PDLIM1: variants seen among roughly 807,000 people sequenced by gnomAD.
The protein encoded by PDLIM1 is PDZ and LIM domain protein 1.
Under a neutral mutation model 35.2 loss-of-function variants are expected in PDLIM1, and 25 were observed. That is an observed-to-expected ratio of 0.71 (90% CI 0.52 to 0.99). The LOEUF (loss-of-function observed/expected upper bound fraction) is 0.99, where lower values mean the gene tolerates loss of function less well. Ranked by LOEUF, PDLIM1 falls within the 50% of genes least tolerant of loss-of-function variation. The pLI, the probability that PDLIM1 is intolerant of heterozygous loss-of-function variation, is 0.00. For missense variants in PDLIM1, 363 were observed against 415.3 expected, an observed-to-expected ratio of 0.87 and a Z score of 1.09; for synonymous variants, 152 against 154.0, an observed-to-expected ratio of 0.99 and a Z score of 0.10.
chr10:95,247,018 G>A (rs1299139712), intron 5 of PDLIM1, among the ~76,000 whole-genome samples, 197 bp downstream of exon 5: 2 of 152,054 alleles, frequency 1.3e-5, no homozygotes, highest in Non-Finnish European at 2.9e-5. Flanking sequence ...TACAGACCCA[G>A]ATGGGAAAAT....
chr10:95,255,537 TAC>T (rs1312295137), intron 4 of PDLIM1, among the ~76,000 whole-genome samples: 1 of 151,990 alleles, frequency 6.6e-6, no homozygotes, highest in African/African-American at 2.4e-5. Context: ...GGACAAAAAC[TAC>T]AGTCATCTGA....
intron 5 of PDLIM1, among the ~76,000 whole-genome samples, chr10:95,239,490 A>G (rs1297847521): frequency 6.6e-6 from 1 of 152,204 alleles, no homozygotes; most frequent in East Asian, 1.9e-4. Flanking sequence ...AAGGAACTTA[A>G]AACAAATTTA....
chr10:95,264,445 G>A (rs540130515), intron 3 of PDLIM1, among the ~76,000 whole-genome samples: 31 of 152,214 alleles, frequency 2.0e-4, no homozygotes, highest in Non-Finnish European at 4.4e-5. Flanking sequence ...ACTAGGTGAA[G>A]AGAAATATGC....
intron 4 of PDLIM1, among the ~76,000 whole-genome samples, chr10:95,253,428 G>A (rs994649869): frequency 6.6e-6 from 1 of 152,182 alleles, no homozygotes; most frequent in Non-Finnish European, 1.5e-5. Flanking sequence ...GCCAGGCATG[G>A]TGGCTCACCT....
chr10:95,289,424 G>A (rs1220642631), intron 1 of PDLIM1, among the ~76,000 whole-genome samples: 1 of 152,206 alleles, frequency 6.6e-6, no homozygotes, highest in East Asian at 1.9e-4. Context: ...ATAATCAGAG[G>A]TCTCTGTGGG....
chr10:95,288,294 C>T (rs1352007200), intron 1 of PDLIM1, among the ~76,000 whole-genome samples: 2 of 152,110 alleles, frequency 1.3e-5, no homozygotes, highest in Non-Finnish European at 2.9e-5. Context: ...CAAGAGAAAG[C>T]AAACATGGTT....
chr10:95,248,472 T>C (rs2133413844), intron 4 of PDLIM1, among the ~76,000 whole-genome samples: 1 of 152,200 alleles, frequency 6.6e-6, no homozygotes, highest in South Asian at 2.1e-4. Context: ...GGTCTCAAAG[T>C]CCCAGCCTCA....
chr10:95,268,896 A>T, intron 2 of PDLIM1, 34 bp from the exon 3 acceptor site: 1 of 1,445,078 alleles, frequency 6.9e-7, no homozygotes. Context: ...TGTTTCACTC[A>T]TGTAAAATAA....
chr10:95,251,620 CTGTA>C (rs1236188070), intron 4 of PDLIM1, among the ~76,000 whole-genome samples: 3 of 152,162 alleles, frequency 2.0e-5, no homozygotes, highest in African/African-American at 7.2e-5. Flanking sequence ...ATAAAACTAC[CTGTA>C]TGTGAGATAA....
chr10:95,246,147 G>A (rs950576306), intron 5 of PDLIM1, among the ~76,000 whole-genome samples: 1 of 152,106 alleles, frequency 6.6e-6, no homozygotes, highest in Non-Finnish European at 1.5e-5. Context: ...TGGAGGACTG[G>A]GCATCACAGG....
chr10:95,271,916 A>G lies in PDLIM1; in HGVS notation c.97-132T>C, dbSNP rs912866467. On this transcript the variant is annotated intron_variant, in intron 1 of 6. Coordinates refer to ENST00000329399, the MANE Select transcript of PDLIM1 (RefSeq NM_020992.4). ...GAGGGCTGAAATCATAGCTTAAATA[A>G]TAACAATCATTTATATTATCATTGA... 4.0e-6 allele frequency: 3 copies of G among 744,686 alleles called. No homozygotes were observed. The African/African-American group carries it at 5.5e-5, about 14-fold the overall frequency. 46.1% of individuals were successfully genotyped at this position (744,686 alleles called of 1,614,324 possible).
chr10:95,278,346 T>C (rs1211602476), intron 1 of PDLIM1, among the ~76,000 whole-genome samples: 1 of 152,180 alleles, frequency 6.6e-6, no homozygotes, highest in African/African-American at 2.4e-5. Flanking sequence ...CTGTCAGGGC[T>C]CCAGAAATGT....
intron 5 of PDLIM1, among the ~76,000 whole-genome samples, chr10:95,240,603 A>G (rs2026681): frequency 0.35 from 52,491 of 152,110 alleles, 9,582 homozygotes; most frequent in Middle Eastern, 0.52. Flanking sequence ...GCACGTCATT[A>G]CCTATGTAAC....
chr10:95,288,689 T>A (rs1180761742), intron 1 of PDLIM1, among the ~76,000 whole-genome samples: 3 of 152,164 alleles, frequency 2.0e-5, no homozygotes, highest in African/African-American at 7.2e-5. Flanking sequence ...CCCATTCCCA[T>A]GAGGTGAACA....
intron 1 of PDLIM1, among the ~76,000 whole-genome samples, chr10:95,280,097 C>T (rs183498849): frequency 1.7e-4 from 26 of 152,256 alleles, no homozygotes; most frequent in Admixed American, 1.4e-3. Flanking sequence ...AATTTTAGGC[C>T]AGGCATGGTG....
intron 5 of PDLIM1, among the ~76,000 whole-genome samples, chr10:95,246,003 C>T (rs997712624): frequency 1.3e-5 from 2 of 152,208 alleles, no homozygotes; most frequent in African/African-American, 4.8e-5. Context: ...GCAGGTCTCA[C>T]ACTCACCATC....
intron 4 of PDLIM1, among the ~76,000 whole-genome samples, chr10:95,261,377 C>A (rs973585131): frequency 6.6e-6 from 1 of 152,182 alleles, no homozygotes; most frequent in Non-Finnish European, 1.5e-5. Flanking sequence ...GCCTCCCCAG[C>A]ACCAAAGCAG....
At chr10:95,286,356 C>CAAA (rs71974459) in intron 1 of PDLIM1, among the ~76,000 whole-genome samples, 1 of 146,382 alleles carries the variant, frequency 6.8e-6, no homozygotes. Flanking sequence ...CACCCTGTCT[C>CAAA]AAAAAAAAAA....
intron 5 of PDLIM1, among the ~76,000 whole-genome samples, chr10:95,239,009 G>C (rs967917136): frequency 6.3e-5 from 6 of 95,780 alleles, no homozygotes; most frequent in Non-Finnish European, 1.3e-4. Context: ...GGTACTGGTA[G>C]AAGAACAGAG....
Sources: allele counts gnomAD v4.1 joint callset (sites outside exome capture counted in the v4.1 genomes callset), GRCh38; gene constraint gnomAD v4.1.1; transcripts MANE v1.5; gene names NCBI Gene and HGNC (gene_info 2026-07-23, HGNC 2026-07-21).